The following CTDP1 variants were observed in gnomAD, a reference collection of about 807,000 sequenced individuals.
CTDP1 encodes the protein RNA polymerase II subunit A C-terminal domain phosphatase.
Under a neutral mutation model 91.8 loss-of-function variants are expected in CTDP1, and 47 were observed. The observed-to-expected ratio is 0.51, with a 90% CI of 0.41 to 0.65. The LOEUF (loss-of-function observed/expected upper bound fraction) is 0.65. Among genes scored for constraint, CTDP1 ranks in the 30% least tolerant of loss-of-function variants. The pLI, the probability that CTDP1 is intolerant of heterozygous loss-of-function variation, is 0.00. For missense variants in CTDP1, 1,272 were observed against 1,373.7 expected (o/e 0.93, Z 1.17); for synonymous variants, 656 against 598.5 (o/e 1.10, Z -1.40).
At chr18:79,683,308 TA>T (rs1257698837) in intron 1 of CTDP1, among the ~76,000 whole-genome samples, 1 of 152,268 alleles carries the variant, frequency 6.6e-6, no homozygotes, top group African/African-American at 2.4e-5. Context: ...TAAATGTTTA[TA>T]GACTGATTAT....
In CTDP1 at chr18:79,714,986, C is replaced by G; in HGVS notation, c.1526C>G (p.Ala509Gly). Residue 509 changes from alanine to glycine, a missense_variant, in exon 8 of 13, where the codon GCA becomes GGA. Physicochemically the swap from Ala to Gly is moderately conservative, Grantham distance 60. Transcript: ENST00000613122. ...QGSSLEPGRP[A>G]APSLPGEAEP... ...AGTTCCCTGGAGCCGGGGCGGCCTG[C>G]AGCACCGAGTCTCCCCGGAGAGGCC... The G allele has an allele frequency of 6.3e-7, 1 of 1,577,402 alleles. No homozygotes were observed. The highest frequency in any genetic ancestry group is 2.3e-5 in the East Asian group (1 of 43,438).
At chr18:79,686,836 C>T (rs897505477) in intron 1 of CTDP1, among the ~76,000 whole-genome samples, 28 of 151,324 alleles carry the variant, frequency 1.9e-4, no homozygotes, top group East Asian at 9.7e-4. Flanking sequence ...GGGCCTGCAC[C>T]GCAGCAGTTG....
chr18:79,737,104 G>A (rs1409614521), intron 12 of CTDP1, among the ~76,000 whole-genome samples: 2 of 152,250 alleles, frequency 1.3e-5, no homozygotes, highest in African/African-American at 4.8e-5. Context: ...GCTGAGCACC[G>A]TGGTTTGCTT....
intron 8 of CTDP1, among the ~76,000 whole-genome samples, chr18:79,716,307 C>T (rs2086207396): frequency 6.6e-6 from 1 of 152,216 alleles, no homozygotes; most frequent in Admixed American, 6.5e-5. Context: ...TGTCCACGCA[C>T]GCTCCCTGAC....
intron 1 of CTDP1, 119 bp from the exon 2 acceptor site, chr18:79,695,106 G>A (rs2085720273): frequency 1.1e-6 from 1 of 891,638 alleles, no homozygotes; most frequent in African/African-American, 1.7e-5. Flanking sequence ...TGCCTACAAA[G>A]TTATGCAAGG....
intron 1 of CTDP1, among the ~76,000 whole-genome samples, chr18:79,684,931 G>A (rs1410812448): frequency 6.9e-6 from 1 of 144,440 alleles, no homozygotes; most frequent in African/African-American, 2.5e-5. Context: ...GAGGAGGACG[G>A]TGCAGGGACC....
chr18:79,714,579 C>T lies in CTDP1; in HGVS notation c.1119C>T (p.Pro373=), dbSNP rs200089987. 1 of 1,613,124 alleles carries T rather than the reference C, an allele frequency of 6.2e-7. No homozygotes were observed. The highest frequency in any genetic ancestry group is 1.7e-5 in the Admixed American group (1 of 60,032). ...EGVTQAPGVE[P]SNGLEKPARE... ...TAACGCAGGCCCCTGGAGTGGAGCC[C>T]AGCAATGGCCTGGAGAAGCCTGCAC... Residue 373 remains proline, a synonymous_variant, in exon 8 of 13, where the codon CCC becomes CCT. Transcript: ENST00000613122.
In CTDP1 at chr18:79,745,334, GC is replaced by G. The variant is rs2086863013; in HGVS notation, c.2748-8317del. ...TTCTGTCCCTGCGTCCCTCCCGTGC[GC>G]GTTCTGTGCCCGCGTCCCTCCCGTG... On this transcript the variant is annotated intron_variant, in intron 12 of 12. Transcript: ENST00000613122. 1.0e-4 allele frequency among the ~76,000 whole-genome samples: 10 copies of G among 99,054 alleles called. 1 individual carries two copies. Among genetic ancestry groups the G allele is most frequent in the Admixed American group, 8.7e-4 (9 of 10,390 alleles). 65.0% of individuals were successfully genotyped at this position (99,054 alleles called of 152,430 possible). A position where few individuals can be genotyped will look rare whatever the true frequency, so the allele number is the denominator to read the frequency against.
rs1217085214 is a variant in CTDP1 at position 79,712,984 on chromosome 18, T to C, written c.876T>C (p.Pro292=). 1.9e-6 allele frequency: 3 copies of C among 1,614,020 alleles called. No homozygotes were observed. The highest frequency in any genetic ancestry group is 3.3e-5 in the Admixed American group (2 of 60,010). ...TTTTCACTTGTAGAAATCTCTTTCC[T>C]TGTGGAGACTCAATGGTTTGCATTA... ...SKTGNLRNLF[P]CGDSMVCIID... The change falls in exon 7 of 13, where the codon CCT becomes CCC. Residue 292 remains proline, a synonymous_variant. Transcript: ENST00000613122.
At chr18:79,681,933 G>A (rs1440038342) in intron 1 of CTDP1, among the ~76,000 whole-genome samples, 3 of 152,158 alleles carry the variant, frequency 2.0e-5, no homozygotes, top group Non-Finnish European at 2.9e-5. Flanking sequence ...AGCGTTCTGG[G>A]GAGTGTGGTG....
At chr18:79,712,329 T>C (rs1211686771) in intron 6 of CTDP1, among the ~76,000 whole-genome samples, 1 of 152,210 alleles carries the variant, frequency 6.6e-6, no homozygotes, top group Non-Finnish European at 1.5e-5. Context: ...TCGCCCAGGC[T>C]TAAGTGCAGT....
upstream of CTDP1, chr18:79,678,516 C>G (rs1314601615): frequency 6.6e-6 from 1 of 152,170 alleles, no homozygotes; most frequent in African/African-American, 2.4e-5. Context: ...ATTCAGGGCG[C>G]CTTGAATTTG....
chr18:79,682,079 G>A (rs1016563132), intron 1 of CTDP1, among the ~76,000 whole-genome samples: 1 of 152,160 alleles, frequency 6.6e-6, no homozygotes, highest in Admixed American at 6.5e-5. Flanking sequence ...AGTTCTGGTC[G>A]TCTGTTTGGA....
At chr18:79,727,384 G>A (rs1037588446) in intron 10 of CTDP1, among the ~76,000 whole-genome samples, 5 of 151,656 alleles carry the variant, frequency 3.3e-5, no homozygotes, top group East Asian at 3.9e-4. Context: ...GATGGAAAGC[G>A]CAGCGTTCAC....
chr18:79,680,278 G>A lies in CTDP1; in HGVS notation c.314+17G>A, dbSNP rs2085332593. 6 of 1,251,276 alleles carry A rather than the reference G, an allele frequency of 4.8e-6. No homozygotes were observed. Among genetic ancestry groups the A allele is most frequent in the East Asian group, 3.2e-5 (1 of 31,266 alleles). 77.5% of individuals were successfully genotyped at this position (1,251,276 alleles called of 1,614,324 possible). A position where few individuals can be genotyped will look rare whatever the true frequency, so the allele number is the denominator to read the frequency against. On this transcript the variant is annotated intron_variant, in intron 1 of 12. Coordinates refer to ENST00000613122, the MANE Select transcript of CTDP1 (RefSeq NM_004715.5). ...CGCCCCAGGGTGAGTGTGCTGAGCC[G>A]GGCGGGGCCGAGGGCGGGCGGCTCC...
intron 11 of CTDP1, among the ~76,000 whole-genome samples, chr18:79,732,255 C>T (rs2086581488): frequency 6.6e-6 from 1 of 151,376 alleles, no homozygotes. Context: ...ATGAGAAGTG[C>T]TCCCAAAATC....
At chr18:79,738,651 G>A (rs908687479) in intron 12 of CTDP1, among the ~76,000 whole-genome samples, 1 of 152,180 alleles carries the variant, frequency 6.6e-6, no homozygotes, top group African/African-American at 2.4e-5. Context: ...ACTCATTCAG[G>A]CAATCCAGTT....
rs73484941 is a variant in CTDP1 at position 79,690,832 on chromosome 18, C to G, written c.315-4393C>G. On this transcript the variant is annotated intron_variant, in intron 1 of 12. Coordinates refer to ENST00000613122, the MANE Select transcript of CTDP1 (RefSeq NM_004715.5). ...GGTGGGGGGTGGAGCAGAGCCTGCA[C>G]TAGAATAAGACAGTCAGAACCTTTC... Among the ~76,000 whole-genome samples, 569 of 152,284 alleles carry G rather than the reference C, an allele frequency of 3.7e-3. 1 individual carries two copies. Among genetic ancestry groups the G allele is most frequent in the African/African-American group, 0.012 (492 of 41,548 alleles).
At chr18:79,735,425 C>G (rs2086647647) in intron 11 of CTDP1, among the ~76,000 whole-genome samples, 1 of 152,250 alleles carries the variant, frequency 6.6e-6, no homozygotes, top group Non-Finnish European at 1.5e-5. Flanking sequence ...CGGGGCCGTG[C>G]TCTTGGGATG....
Sources: gnomAD v4.1 joint callset for allele counts (sites outside exome capture counted in the v4.1 genomes callset) on GRCh38, gnomAD v4.1.1 for gene constraint, MANE v1.5 for transcripts, NCBI Gene and HGNC (gene_info 2026-07-23, HGNC 2026-07-21) for gene names.